Variants in ARHGEF10 observed in about 807,000 individuals in gnomAD.
The protein encoded by ARHGEF10 is Rho guanine nucleotide exchange factor (GEF) 10.
ARHGEF10 carries 140 observed loss-of-function variants against 147.4 expected under a neutral mutation model. The observed-to-expected ratio is 0.95, with a 90% CI of 0.83 to 1.09. ARHGEF10 has a LOEUF of 1.09. Among genes scored for constraint, ARHGEF10 ranks in the 50% least tolerant of loss-of-function variants. The pLI is 0.00. For synonymous variants in ARHGEF10, 902 were observed against 695.8 expected, an observed-to-expected ratio of 1.30 and a Z score of -4.67; for missense variants, 2,222 against 1,752.7, an observed-to-expected ratio of 1.27 and a Z score of -4.78.
Position 1,957,096 on chromosome 8 carries a change from T to A in ARHGEF10, c.3868T>A (p.Ser1290Thr). The stretch of plus-strand genomic sequence containing the variant: ...CTATGATCTCCTGAAGGATCCTGTC[T>A]CGCTGAGAAGCAAAGCACGCCGGGC... Reference protein sequence around the residue: ...TIYDLLKDPVSLRSKARRAKK... With the variant: ...TIYDLLKDPVTLRSKARRAKK... The change falls in exon 29 of 29, where the codon TCG becomes ACG. Residue 1290 changes from serine to threonine, a missense_variant. By Grantham distance (58) the Ser-to-Thr change is moderately conservative (BLOSUM62 1). Coordinates refer to ENST00000349830, the MANE Select transcript of ARHGEF10 (RefSeq NM_014629.4). The A allele has an allele frequency of 6.2e-7, 1 of 1,613,386 alleles. No homozygotes were observed. Among genetic ancestry groups the A allele is most frequent in the African/African-American group, 1.3e-5 (1 of 75,064 alleles).
chr8:1,875,228 G>A (rs1000500281), intron 7 of ARHGEF10, among the ~76,000 whole-genome samples: 1 of 148,140 alleles, frequency 6.8e-6, no homozygotes, highest in Non-Finnish European at 1.5e-5. Flanking sequence ...ACAGTCTGGT[G>A]GGAGAGTGCA....
chr8:1,862,361 G>A (rs564808155), intron 4 of ARHGEF10, among the ~76,000 whole-genome samples: 41 of 152,258 alleles, frequency 2.7e-4, no homozygotes, highest in Non-Finnish European at 4.6e-4. Context: ...ACCAGATTCC[G>A]TTATTTTTCC....
chr8:1,951,992 T>A (rs1020067647), intron 27 of ARHGEF10, among the ~76,000 whole-genome samples: 4 of 45,572 alleles, frequency 8.8e-5, no homozygotes, highest in African/African-American at 2.9e-4. Flanking sequence ...TCTCCCACAT[T>A]GTTTTGCAGC....
At chr8:1,826,388 G>T (rs1247042035) in intron 1 of ARHGEF10, among the ~76,000 whole-genome samples, 2 of 151,742 alleles carry the variant, frequency 1.3e-5, no homozygotes. Context: ...GTGCGTTTGT[G>T]TGTGCGTGTG....
chr8:1,942,835 A>G (rs922622628), intron 26 of ARHGEF10, among the ~76,000 whole-genome samples: 2 of 150,258 alleles, frequency 1.3e-5, no homozygotes, highest in Non-Finnish European at 3.0e-5. Context: ...CCAGACACAA[A>G]AGGCCGAACA....
chr8:1,894,497 A>C lies in ARHGEF10; in HGVS notation c.1365A>C (p.Leu455=), dbSNP rs527497383. 20 of 1,614,046 alleles carry C rather than the reference A, an allele frequency of 1.2e-5. No homozygotes were observed. Among genetic ancestry groups the C allele is most frequent in the Non-Finnish European group, 1.7e-5 (20 of 1,180,020 alleles). ...AAGAGATCCTGCAGTGCCACTCGCT[A>C]TTTCAGATCGCGCTGGCCAGCCGCG... is the stretch of plus-strand genomic sequence containing the variant. ...RVKEILQCHS[L]FQIALASRVS... is the part of the protein sequence containing the mutation. Residue 455 remains leucine (L), a synonymous_variant, in exon 13 of 29, where the codon CTA becomes CTC. Coordinates refer to ENST00000349830, the MANE Select transcript of ARHGEF10 (RefSeq NM_014629.4).
intron 8 of ARHGEF10, 45 bp from the exon 9 acceptor site, chr8:1,880,003 A>G: frequency 7.1e-7 from 1 of 1,405,074 alleles, no homozygotes; most frequent in East Asian, 2.3e-5. Flanking sequence ...CCAAAGAACC[A>G]AAAAGAGCCT....
At chr8:1,949,589 G>A (rs893933402) in intron 27 of ARHGEF10, among the ~76,000 whole-genome samples, 2 of 151,984 alleles carry the variant, frequency 1.3e-5, no homozygotes, top group Non-Finnish European at 2.9e-5. Context: ...GGTAAATTGC[G>A]CCTTTCTGAG....
chr8:1,839,882 C>A (rs1585225693), intron 1 of ARHGEF10, among the ~76,000 whole-genome samples: 2 of 137,878 alleles, frequency 1.5e-5, no homozygotes, highest in African/African-American at 5.8e-5. Flanking sequence ...GGTGTGGAAA[C>A]TGTCTGGTGT....
In ARHGEF10 at chr8:1,899,624, C is replaced by T. The variant is rs1809578715; in HGVS notation, c.1650+1099C>T. Among the ~76,000 whole-genome samples the T allele has an allele frequency of 1.3e-5, 2 of 152,204 alleles. 1 individual carries two copies. Among genetic ancestry groups the T allele is most frequent in the Non-Finnish European group, 2.9e-5 (2 of 68,040 alleles). On this transcript the variant is annotated intron_variant, in intron 15 of 28. Coordinates refer to ENST00000349830, the MANE Select transcript of ARHGEF10 (RefSeq NM_014629.4). The stretch of plus-strand genomic sequence containing the variant: ...TCTTTCCATGGTTAGGTTGATGGCT[C>T]ATGTTAATTTTATCCTCTGGCTTAT...
intron 15 of ARHGEF10, among the ~76,000 whole-genome samples, chr8:1,901,373 CTTCT>C (rs1563258112): frequency 6.6e-6 from 1 of 152,144 alleles, no homozygotes; most frequent in Non-Finnish European, 1.5e-5. Flanking sequence ...GCTCCCAGAC[CTTCT>C]TTCTAAGACA....
At chr8:1,881,826 C>T (rs945528489) in intron 9 of ARHGEF10, among the ~76,000 whole-genome samples, 2 of 152,240 alleles carry the variant, frequency 1.3e-5, no homozygotes, top group African/African-American at 4.8e-5. Flanking sequence ...CTGCTGGTCC[C>T]TTTGAGAGGT....
At chr8:1,903,173 G>A (rs924012163) in intron 15 of ARHGEF10, 108 bp from the exon 16 acceptor site, 19 of 1,368,282 alleles carry the variant, frequency 1.4e-5, no homozygotes, top group Middle Eastern at 2.4e-4. Context: ...TCCCCAGGAT[G>A]GCAGATGCCA....
chr8:1,859,214 TA>T (rs1805877001), intron 3 of ARHGEF10, among the ~76,000 whole-genome samples: 4 of 90,840 alleles, frequency 4.4e-5, no homozygotes, highest in South Asian at 5.0e-4. Flanking sequence ...TCTTTGGCCA[TA>T]GCACCTGCCT....
rs539965697 is a variant in ARHGEF10 at position 1,938,976 on chromosome 8, GCCCCCAGAGA to G, written c.3222+5040_3222+5049del. On this transcript the variant is annotated intron_variant, in intron 26 of 28. Coordinates refer to ENST00000349830, the MANE Select transcript of ARHGEF10 (RefSeq NM_014629.4). ...GAAACCCCCGAACACTGGAATCCCA[GCCCCCAGAGA>G]CCCCCGAACACTGTTGAATACCAGT... 2.0e-3 allele frequency among the ~76,000 whole-genome samples: 236 copies of G among 119,898 alleles called. 1 individual carries two copies. In the Middle Eastern group the frequency reaches 0.025, roughly 13 times the overall value. 78.7% of individuals were successfully genotyped at this position (119,898 alleles called of 152,430 possible). A position where few individuals can be genotyped will look rare whatever the true frequency, so the allele number is the denominator to read the frequency against.
rs1464125478 is a variant in ARHGEF10 at position 1,958,272 on chromosome 8, G to A, written c.*1009G>A. The A allele has an allele frequency of 6.6e-6, 1 of 152,248 alleles. No individual in the cohort carries two copies. Among genetic ancestry groups the A allele is most frequent in the Non-Finnish European group, 1.5e-5 (1 of 68,056 alleles). 9.4% of individuals were successfully genotyped at this position (152,248 alleles called of 1,614,324 possible). A position where few individuals can be genotyped will look rare whatever the true frequency, so the allele number is the denominator to read the frequency against. ...GACCTCGGGCCAGCCTGTCTGTTGTGCAGACGCCTCCTCTGCAGAACGCAT... is the reference window on the plus strand; with the variant it reads ...GACCTCGGGCCAGCCTGTCTGTTGTACAGACGCCTCCTCTGCAGAACGCAT... On this transcript the variant is annotated 3_prime_UTR_variant, in exon 29 of 29. Transcript: ENST00000349830.
chr8:1,897,646 G>A (rs868241747), intron 14 of ARHGEF10, among the ~76,000 whole-genome samples: 10 of 146,020 alleles, frequency 6.8e-5, no homozygotes, highest in Non-Finnish European at 1.2e-4. Flanking sequence ...AGTTCCCACT[G>A]TGGACAGTTG....
At chr8:1,865,419 C>T (rs1806504260) in intron 5 of ARHGEF10, among the ~76,000 whole-genome samples, 1 of 151,586 alleles carries the variant, frequency 6.6e-6, no homozygotes, top group Non-Finnish European at 1.5e-5. Flanking sequence ...GGACATGGGG[C>T]ATCCCCCAGC....
chr8:1,896,091 G>T (rs902490610), intron 13 of ARHGEF10, among the ~76,000 whole-genome samples: 5 of 152,142 alleles, frequency 3.3e-5, no homozygotes, highest in Non-Finnish European at 7.3e-5. Flanking sequence ...AATTACCATG[G>T]TTTTGAACAA....
Sources: gnomAD v4.1 joint callset for allele counts (sites outside exome capture counted in the v4.1 genomes callset) on GRCh38, gnomAD v4.1.1 for gene constraint, MANE v1.5 for transcripts, NCBI Gene and HGNC (gene_info 2026-07-23, HGNC 2026-07-21) for gene names.